The following ARK2C variants were observed in gnomAD, a reference collection of about 807,000 sequenced individuals.
ARK2C encodes arkadia (RNF111) C-terminal like ring finger ubiquitin ligase 2C.
the ARK2C span, chr18:46,460,842 TATAA>T: frequency 1.3e-5 from 2 of 152,620 alleles, no homozygotes; most frequent in African/African-American, 4.8e-5. Context: ...TTAGCACATA[TATAA>T]ATATAATTTG....
chr18:46,340,534 C>G, the ARK2C span, among the ~76,000 whole-genome samples: 4 of 152,190 alleles, frequency 2.6e-5, no homozygotes, highest in African/African-American at 9.7e-5. Flanking sequence ...GCTTAGGAAA[C>G]CAGATACTGT....
chr18:46,427,308 G>A, the ARK2C span, among the ~76,000 whole-genome samples: 3 of 152,258 alleles, frequency 2.0e-5, no homozygotes, highest in East Asian at 3.8e-4. Flanking sequence ...ACTTCCCAGT[G>A]CGTCTGCTGG....
the ARK2C span, among the ~76,000 whole-genome samples, chr18:46,369,104 A>G: frequency 2.6e-3 from 395 of 152,360 alleles, 4 homozygotes; most frequent in South Asian, 0.011. Context: ...AATAAATGGT[A>G]GGCCAGGATT....
chr18:46,389,696 T>C, the ARK2C span, among the ~76,000 whole-genome samples: 2 of 151,874 alleles, frequency 1.3e-5, no homozygotes, highest in Non-Finnish European at 2.9e-5. Context: ...ATTCAAGCCA[T>C]AGCAGCTCTC....
chr18:46,450,549 G>GTAGAGA, the ARK2C span: 2 of 802,328 alleles, frequency 2.5e-6, no homozygotes, highest in Admixed American at 4.1e-5. Flanking sequence ...GGGAGAGCCA[G>GTAGAGA]TAGAGATATT....
chr18:46,422,962 C>T, the ARK2C span, among the ~76,000 whole-genome samples: 1 of 152,230 alleles, frequency 6.6e-6, no homozygotes, highest in East Asian at 1.9e-4. Context: ...CTTCCCTGCT[C>T]ATGCCCAGAT....
chr18:46,443,462 C>T, the ARK2C span, among the ~76,000 whole-genome samples: 1 of 152,186 alleles, frequency 6.6e-6, no homozygotes, highest in Non-Finnish European at 1.5e-5. Flanking sequence ...GCATCCTTTG[C>T]TACTTCTTTT....
At chr18:46,414,754 A>C in the ARK2C span, among the ~76,000 whole-genome samples, 1 of 152,200 alleles carries the variant, frequency 6.6e-6, no homozygotes, top group African/African-American at 2.4e-5. Context: ...CCTGGTCCTC[A>C]GGTCCTCCTT....
chr18:46,394,234 T>A, the ARK2C span, among the ~76,000 whole-genome samples: 1 of 152,206 alleles, frequency 6.6e-6, no homozygotes, highest in Non-Finnish European at 1.5e-5. Context: ...TGCCTTGATT[T>A]CACCATGGCA....
the ARK2C span, among the ~76,000 whole-genome samples, chr18:46,369,797 C>A: frequency 6.6e-6 from 1 of 152,188 alleles, no homozygotes; most frequent in Non-Finnish European, 1.5e-5. Context: ...ACTTTGCATG[C>A]GCATTTCAAG....
chr18:46,411,099 A>G, the ARK2C span, among the ~76,000 whole-genome samples: 1 of 152,212 alleles, frequency 6.6e-6, no homozygotes, highest in Non-Finnish European at 1.5e-5. Context: ...CCTTAATGAC[A>G]GCTCTTTTTG....
chr18:46,368,469 C>T, the ARK2C span, among the ~76,000 whole-genome samples: 1 of 152,168 alleles, frequency 6.6e-6, no homozygotes, highest in Non-Finnish European at 1.5e-5. Flanking sequence ...CATGAGTACC[C>T]CACTTCCCTG....
the ARK2C span, chr18:46,456,768 A>G: frequency 2.8e-6 from 2 of 723,424 alleles, no homozygotes; most frequent in Admixed American, 3.9e-5. Flanking sequence ...TTGTGGAAAG[A>G]GGAGTTGGTG....
chr18:46,438,957 G>A, the ARK2C span, among the ~76,000 whole-genome samples: 14 of 152,238 alleles, frequency 9.2e-5, no homozygotes, highest in Non-Finnish European at 2.1e-4. Flanking sequence ...GCTAGAGAGG[G>A]TCTCACAGCT....
At chr18:46,334,241 AGCC>A in the ARK2C span, 7,228 of 1,320,582 alleles carry the variant, frequency 5.5e-3, no homozygotes, top group South Asian at 0.017. This position sits in a 1 kb window ranked among gnomAD's most constrained non-coding sequence, Gnocchi z 4.4. Context: ...GCCCGCGCGC[AGCC>A]GCCGCCGCCG....
chr18:46,415,658 A>C, the ARK2C span, among the ~76,000 whole-genome samples: 136 of 152,340 alleles, frequency 8.9e-4, no homozygotes, highest in Non-Finnish European at 8.8e-5. Context: ...GCTTGGAATC[A>C]AACAGGCTCC....
At chr18:46,405,516 C>T in the ARK2C span, among the ~76,000 whole-genome samples, 9 of 151,798 alleles carry the variant, frequency 5.9e-5, no homozygotes, top group Admixed American at 5.3e-4. Flanking sequence ...TGGCTGTTGG[C>T]GATGTGGAAA....
At chr18:46,382,243 G>T in the ARK2C span, among the ~76,000 whole-genome samples, 1 of 152,134 alleles carries the variant, frequency 6.6e-6, no homozygotes, top group African/African-American at 2.4e-5. Context: ...TCCCATGGAG[G>T]CAGGGGTTGC....
the ARK2C span, chr18:46,433,432 G>A: frequency 2.5e-6 from 4 of 1,613,366 alleles, no homozygotes; most frequent in Non-Finnish European, 3.4e-6. Context: ...CCTACCTCAG[G>A]CCCTGCACCA....
Sources: allele counts gnomAD v4.1 joint callset (sites outside exome capture counted in the v4.1 genomes callset), GRCh38; gene constraint gnomAD v4.1.1; non-coding constraint Gnocchi (gnomAD v3.1); transcripts MANE v1.5; gene names NCBI Gene and HGNC (gene_info 2026-07-23, HGNC 2026-07-21).